CRHBP: variants seen among roughly 807,000 people sequenced by gnomAD.
CRHBP encodes the protein corticotropin releasing hormone binding protein.
A neutral mutation model predicts 34.9 loss-of-function variants in CRHBP; 19 were observed. That is an observed-to-expected ratio of 0.55 (90% confidence interval 0.38 to 0.80). CRHBP has a LOEUF of 0.80. Among genes scored for constraint, CRHBP ranks in the 30% least tolerant of loss-of-function variants. CRHBP has a pLI of 0.00. For synonymous variants in CRHBP, 154 were observed against 153.4 expected (o/e 1.00, Z -0.03); for missense variants, 328 against 409.2 (o/e 0.80, Z 1.71).
intron 5 of CRHBP, among the ~76,000 whole-genome samples, chr5:76,960,877 G>A (rs962897639): frequency 6.6e-6 from 1 of 151,924 alleles, no homozygotes; most frequent in Non-Finnish European, 1.5e-5. Context: ...CAATTCTCCT[G>A]CCTCAGTCTC....
chr5:76,959,032 C>A, intron 5 of CRHBP, 143 bp downstream of exon 5: 1 of 814,272 alleles, frequency 1.2e-6, no homozygotes, highest in Non-Finnish European at 1.8e-6. Context: ...AATGTGTTTG[C>A]CCTAGCTGCT....
chr5:76,972,406 A>G (rs1236797826), downstream of CRHBP, among the ~76,000 whole-genome samples: 1 of 152,068 alleles, frequency 6.6e-6, no homozygotes, highest in African/African-American at 2.4e-5. Context: ...AAGCTGAGAC[A>G]GGAGAATCGC....
chr5:76,977,031 C>A (rs1469347465), intron 3 of CRHBP, among the ~76,000 whole-genome samples: 2 of 152,160 alleles, frequency 1.3e-5, no homozygotes, highest in Non-Finnish European at 2.9e-5. Context: ...CCTCTATGAT[C>A]CTTCCCTATC....
intron 3 of CRHBP, among the ~76,000 whole-genome samples, chr5:76,978,737 T>G (rs1025994391): frequency 2.0e-5 from 3 of 152,222 alleles, no homozygotes; most frequent in African/African-American, 7.2e-5. Context: ...GAAAGCGGTT[T>G]CTTGAGATGG....
chr5:76,977,293 T>A (rs76698252), intron 3 of CRHBP, among the ~76,000 whole-genome samples: 2 of 152,242 alleles, frequency 1.3e-5, no homozygotes, highest in East Asian at 3.8e-4. Context: ...TACCTTGTTT[T>A]ATTGCACTTC....
intron 2 of CRHBP, among the ~76,000 whole-genome samples, chr5:76,975,420 T>A (rs1746009834): frequency 6.6e-6 from 1 of 152,172 alleles, no homozygotes; most frequent in South Asian, 2.1e-4. Flanking sequence ...GTCATTAATT[T>A]GACCATATAT....
chr5:76,962,820 ATTG>A (rs1745799673), intron 5 of CRHBP, among the ~76,000 whole-genome samples: 1 of 152,122 alleles, frequency 6.6e-6, no homozygotes, highest in African/African-American at 2.4e-5. Context: ...CAAAATTCTT[ATTG>A]TTAGAAATGA....
rs902363018 is a variant in CRHBP, at chr5:76,978,027, A to G, written n.467+1507A>G. On this transcript the variant is annotated intron_variant and non_coding_transcript_variant, in intron 3 of 3. Coordinates refer to the CRHBP transcript ENST00000514258. Reference sequence around the variant, plus strand: ...TTAAGCCAAAACCTAATCCAGAGCAAGGCCCTAATATTCTCTCATTCTATG... The same window carrying G: ...TTAAGCCAAAACCTAATCCAGAGCAGGGCCCTAATATTCTCTCATTCTATG... Among the ~76,000 whole-genome samples the G allele has an allele frequency of 2.0e-5, 3 of 152,242 alleles. No homozygotes were observed. In the South Asian group the frequency reaches 6.2e-4, roughly 31 times the overall value.
At chr5:76,965,691 T>TA (rs1214678358) in intron 6 of CRHBP, among the ~76,000 whole-genome samples, 3 of 152,204 alleles carry the variant, frequency 2.0e-5, no homozygotes, top group Non-Finnish European at 4.4e-5. Context: ...AAGGTGATTC[T>TA]AAAGCCAGAA....
chr5:76,968,590 A>C, intron 6 of CRHBP, 138 bp from the exon 7 acceptor site: 1 of 675,378 alleles, frequency 1.5e-6, no homozygotes, highest in Non-Finnish European at 2.4e-6. Flanking sequence ...TTCAACTGAT[A>C]GTAGATGCAT....
rs1219771333 is a variant in CRHBP at position 76,969,370 on chromosome 5, T to C, written c.*485T>C. On this transcript the variant is annotated 3_prime_UTR_variant, in exon 7 of 7. Transcript: ENST00000274368. ...AGGTAATAGTTATAGCAATTATTTA[T>C]TGATTTGTAACAACTTGTTTTTAAC... is the stretch of plus-strand genomic sequence containing the variant. The C allele has an allele frequency of 6.5e-6, 1 of 152,782 alleles. No homozygotes were observed. Among genetic ancestry groups the C allele is most frequent in the East Asian group, 1.9e-4 (1 of 5,208 alleles). 9.5% of individuals were successfully genotyped at this position (152,782 alleles called of 1,614,324 possible).
intron 3 of CRHBP, among the ~76,000 whole-genome samples, chr5:76,977,877 G>A (rs1049046364): frequency 2.6e-5 from 4 of 152,186 alleles, no homozygotes; most frequent in African/African-American, 9.7e-5. Context: ...CCAAGGAAAA[G>A]TTACTGAAGG....
Position 76,955,803 on chromosome 5 carries a change from C to G in CRHBP, c.484C>G (p.Arg162Gly). 6.2e-7 allele frequency: 1 copy of G among 1,614,174 alleles called. No individual in the cohort carries two copies. The highest frequency in any genetic ancestry group is 8.5e-7 in the Non-Finnish European group (1 of 1,180,038). ...SSQNVAMIFFRVHEPGNGFTL... is the reference protein window; with the variant it reads ...SSQNVAMIFFGVHEPGNGFTL... ...CCAGAATGTGGCCATGATCTTCTTCCGAGTCCATGAACCAGGAAATGGATT... is the reference window on the plus strand; with the variant it reads ...CCAGAATGTGGCCATGATCTTCTTCGGAGTCCATGAACCAGGAAATGGATT... The change falls in exon 4 of 7, where the codon CGA (arginine) becomes GGA (glycine). Residue 162 changes from arginine (R) to glycine (G), a missense_variant. Coordinates refer to ENST00000274368, the MANE Select transcript of CRHBP (RefSeq NM_001882.4).
Position 76,968,730 on chromosome 5 carries a change from C to A in CRHBP, c.814C>A (p.Gln272Lys), listed in dbSNP as rs1356724312. Residue 272 changes from glutamine (Q) to lysine (K), a missense_variant and splice_region_variant, in exon 7 of 7, where the codon CAG becomes AAG. By Grantham distance (53) the Gln-to-Lys change is moderately conservative. Around this residue, in one of 3 missense-constraint regions of CRHBP, gnomAD observed 144 missense variants for 216.7 expected, o/e 0.66. Transcript: ENST00000274368. The stretch of plus-strand genomic sequence containing the variant: ...TTTATCTTTTCCATCCATTATAGCC[C>A]AGATGAAAGTTGGCTGTGACAACAC... ...DLCYPFHGPA[Q>K]MKVGCDNTVV... The A allele has an allele frequency of 1.2e-6, 2 of 1,610,130 alleles. No individual in the cohort carries two copies. Among genetic ancestry groups the A allele is most frequent in the Non-Finnish European group, 1.7e-6 (2 of 1,177,604 alleles).
chr5:76,964,798 G>A (rs560849267), intron 6 of CRHBP, among the ~76,000 whole-genome samples: 31 of 152,274 alleles, frequency 2.0e-4, no homozygotes, highest in Middle Eastern at 6.8e-3. Flanking sequence ...GGTGGTTACA[G>A]TGAGCTGAGA....
chr5:76,963,477 ATTG>A lies in CRHBP; in HGVS notation c.811+20_811+22del. On this transcript the variant is annotated intron_variant, in intron 6 of 6. Coordinates refer to ENST00000274368, the MANE Select transcript of CRHBP (RefSeq NM_001882.4). Reference sequence around the variant, plus strand: ...ATGGCCCGGGTGAGGTATTTCTTTGATTGTTATGTATGTGCCTATCAAGATTAA... The same window carrying A: ...ATGGCCCGGGTGAGGTATTTCTTTGATTATGTATGTGCCTATCAAGATTAA... The A allele has an allele frequency of 1.9e-6, 3 of 1,578,764 alleles. No individual in the cohort carries two copies. Among genetic ancestry groups the A allele is most frequent in the Admixed American group, 1.7e-5 (1 of 59,868 alleles).
chr5:76,953,533 C>T, intron 1 of CRHBP, 68 bp from the exon 2 acceptor site: 1 of 1,461,110 alleles, frequency 6.8e-7, no homozygotes, highest in Non-Finnish European at 9.4e-7. Flanking sequence ...GGAGGGTGCC[C>T]CGCTCCTGGT....
chr5:76,955,558 C>A, intron 3 of CRHBP, 95 bp from the exon 4 acceptor site: 3 of 1,033,642 alleles, frequency 2.9e-6, no homozygotes, highest in Non-Finnish European at 4.3e-6. Flanking sequence ...TGACTGAAGG[C>A]CCATTGCTGG....
At chr5:76,955,934 G>C in intron 4 of CRHBP, 71 bp downstream of exon 4, 1 of 1,354,476 alleles carries the variant, frequency 7.4e-7, no homozygotes, top group South Asian at 1.4e-5. Flanking sequence ...TCATTGCACA[G>C]ACTTAAAGAA....
Sources: gnomAD v4.1 joint callset for allele counts (sites outside exome capture counted in the v4.1 genomes callset) on GRCh38, gnomAD v4.1.1 for gene constraint, gnomAD v4.1.1 regional missense constraint, MANE v1.5 for transcripts, NCBI Gene and HGNC (gene_info 2026-07-23, HGNC 2026-07-21) for gene names.